The following NFYC variants were observed in gnomAD, a reference collection of about 807,000 sequenced individuals.
The protein encoded by NFYC is nuclear transcription factor Y subunit gamma, also known as CAAT box DNA-binding protein subunit C.
A neutral mutation model predicts 53.1 loss-of-function variants in NFYC; 25 were observed. The ratio of observed to expected loss-of-function variants is 0.47; its 90% CI spans 0.34 to 0.66. The LOEUF is 0.66. NFYC is among the 30% of genes least tolerant of loss of function. NFYC has a pLI of 0.01. For missense variants in NFYC, 260 were observed against 422.7 expected (o/e 0.62, Z 3.38); for synonymous variants, 145 against 152.6 (o/e 0.95, Z 0.37).
chr1:40,735,560 A>T lies in NFYC; in HGVS notation c.-8-3276A>T, dbSNP rs1000263376. The T allele has an allele frequency of 8.4e-5, 83 of 982,778 alleles. No homozygotes were observed. The African/African-American group carries it at 1.4e-3, about 17-fold the overall frequency. The allele number at this position is 982,778 out of a possible 1,614,324, so 60.9% of individuals were successfully genotyped here. ...TTGTAATGTTTTGGGGGGATATCAG[A>T]GGACAGCCAGAATTTGTTACCAGAC... is the stretch of plus-strand genomic sequence containing the variant. On this transcript the variant is annotated intron_variant, in intron 1 of 9. Transcript: ENST00000447388.
At chr1:40,764,449 T>C (rs1338463918) in intron 7 of NFYC, among the ~76,000 whole-genome samples, 4 of 152,234 alleles carry the variant, frequency 2.6e-5, no homozygotes, top group African/African-American at 9.6e-5. Context: ...GAGCTCTGCC[T>C]TGCTTCATTG....
rs1304558322 is a variant in NFYC at position 40,770,555 on chromosome 1, A to G, written c.889-154A>G. 3.8e-6 allele frequency: 6 copies of G among 1,587,940 alleles called. No homozygotes were observed. Among genetic ancestry groups the G allele is most frequent in the South Asian group, 2.3e-5 (2 of 87,892 alleles). ...GTGCCTCCTGTGTCTGCTGCTCCCA[A>G]CCCCAGCAGAGCTCCACTTCCCCTC... On this transcript the variant is annotated intron_variant, in intron 9 of 9. Transcript: ENST00000447388. The surrounding 1 kb of genome is among the most constrained non-coding windows in gnomAD (Gnocchi z 5.3).
At chr1:40,752,609 G>A (rs1645977948) in intron 4 of NFYC, among the ~76,000 whole-genome samples, 1 of 151,890 alleles carries the variant, frequency 6.6e-6, no homozygotes, top group African/African-American at 2.4e-5. Context: ...ATTCAGAACT[G>A]CAATGATAAA....
chr1:40,751,406 A>G (rs1645905173), intron 4 of NFYC, among the ~76,000 whole-genome samples: 1 of 152,024 alleles, frequency 6.6e-6, no homozygotes, highest in Non-Finnish European at 1.5e-5. Flanking sequence ...AACTTTCTAT[A>G]TTCCTTTTTT....
At chr1:40,700,881 A>G (rs1210535917) in intron 1 of NFYC, among the ~76,000 whole-genome samples, 1 of 152,008 alleles carries the variant, frequency 6.6e-6, no homozygotes, top group Non-Finnish European at 1.5e-5. Flanking sequence ...AGTGGTCTAG[A>G]GTGCTGCCAT....
intron 1 of NFYC, chr1:40,709,374 C>G (rs1013348584): frequency 2.0e-5 from 3 of 152,120 alleles, no homozygotes; most frequent in Admixed American, 6.6e-5. Context: ...TCATTGGAGC[C>G]TCGGAGTTTT....
chr1:40,740,087 T>C (rs1464783530), intron 2 of NFYC, among the ~76,000 whole-genome samples: 1 of 152,204 alleles, frequency 6.6e-6, no homozygotes, highest in Non-Finnish European at 1.5e-5. Flanking sequence ...TAATGAAGAA[T>C]GTTCATTAAG....
chr1:40,702,184 A>G (rs1310803127), intron 1 of NFYC, among the ~76,000 whole-genome samples: 1 of 152,218 alleles, frequency 6.6e-6, no homozygotes, highest in African/African-American at 2.4e-5. Flanking sequence ...CAAATAATTC[A>G]GAATTTGTCA....
At chr1:40,717,315 T>C (rs2148477041) in intron 1 of NFYC, among the ~76,000 whole-genome samples, 1 of 152,342 alleles carries the variant, frequency 6.6e-6, no homozygotes, top group South Asian at 2.1e-4. Flanking sequence ...CCCTGTTTTC[T>C]GAGTGTGCAT....
Position 40,703,480 on chromosome 1 carries a change from T to TAAAAAAAA in NFYC, c.-9+11620_-9+11627dup, listed in dbSNP as rs57102599. Among the ~76,000 whole-genome samples the TAAAAAAAA allele has an allele frequency of 6.7e-4, 65 of 97,688 alleles. 7 individuals carry two copies. Among genetic ancestry groups the TAAAAAAAA allele is most frequent in the Middle Eastern group, 6.4e-3 (1 of 156 alleles). 64.1% of individuals were successfully genotyped at this position (97,688 alleles called of 152,430 possible). On this transcript the variant is annotated intron_variant, in intron 1 of 9. Transcript: ENST00000447388. ...GTACTCCAGCCTGGGCAATTAGCCC[T>TAAAAAAAA]AAAAAAAAAAAAAAGAATATGAAGC... is the stretch of plus-strand genomic sequence containing the variant.
intron 1 of NFYC, among the ~76,000 whole-genome samples, chr1:40,738,114 G>C (rs2148604708): frequency 1.3e-5 from 2 of 152,092 alleles, no homozygotes; most frequent in East Asian, 3.9e-4. Context: ...GTTTTAGCCA[G>C]GATGGTCTCG....
chr1:40,733,669 G>A (rs1276491394), intron 1 of NFYC, among the ~76,000 whole-genome samples: 1 of 150,712 alleles, frequency 6.6e-6, no homozygotes, highest in Non-Finnish European at 1.5e-5. Context: ...CCTGGGCCCA[G>A]GAGATCCTTC....
At position 40,770,772 on chromosome 1, in the gene NFYC, A is replaced by T. The variant is rs1474408680; in HGVS notation, c.952A>T (p.Ile318Phe). 6.2e-7 allele frequency: 1 copy of T among 1,613,454 alleles called. No homozygotes were observed. The highest frequency in any genetic ancestry group is 1.7e-5 in the Admixed American group (1 of 60,030). The change falls in exon 10 of 10, where the codon ATC becomes TTC. Residue 318 changes from isoleucine (I) to phenylalanine (F), a missense_variant. By Grantham distance (21) the Ile-to-Phe change is conservative. Transcript: ENST00000447388. The surrounding 1 kb of genome is among the most constrained non-coding windows in gnomAD (Gnocchi z 5.3). ...CCAGGACCTCGCCCAGCCCATGTTC[A>T]TCCAGTCAGCCAACCAGCCCTCCGA... Reference protein sequence around the residue: ...AGQDLAQPMFIQSANQPSDGQ... With the variant: ...AGQDLAQPMFFQSANQPSDGQ...
chr1:40,699,160 G>A (rs12121412), intron 1 of NFYC, among the ~76,000 whole-genome samples: 12,999 of 150,670 alleles, frequency 0.086, 759 homozygotes, highest in Non-Finnish European at 0.12. Context: ...GGGTGAGACT[G>A]TCTCCAAAAA....
chr1:40,754,611 G>T (rs992346305), intron 5 of NFYC, among the ~76,000 whole-genome samples: 6 of 152,200 alleles, frequency 3.9e-5, no homozygotes, highest in African/African-American at 1.4e-4. Flanking sequence ...TGCTTTCCTT[G>T]TTGAAATTGT....
At chr1:40,709,944 C>T (rs1320990231) in intron 1 of NFYC, among the ~76,000 whole-genome samples, 4 of 152,198 alleles carry the variant, frequency 2.6e-5, no homozygotes, top group South Asian at 2.1e-4. Flanking sequence ...AGCTTTCCTA[C>T]GGAATAAGCT....
At chr1:40,758,095 T>TA in intron 5 of NFYC, 26 bp from the exon 6 acceptor site, 1 of 1,611,306 alleles carries the variant, frequency 6.2e-7, no homozygotes, top group South Asian at 1.1e-5. Flanking sequence ...CTTTTCCTCT[T>TA]ACCTGCCTCT....
intron 1 of NFYC, among the ~76,000 whole-genome samples, chr1:40,702,652 ACTT>A (rs1643495979): frequency 6.6e-6 from 1 of 151,426 alleles, no homozygotes; most frequent in Non-Finnish European, 1.5e-5. Flanking sequence ...TATCTTCAGA[ACTT>A]CTATCAGATT....
chr1:40,763,957 G>T (rs1468510177), intron 7 of NFYC, among the ~76,000 whole-genome samples: 1 of 152,250 alleles, frequency 6.6e-6, no homozygotes, highest in Non-Finnish European at 1.5e-5. Flanking sequence ...TCATGAGTCA[G>T]TTCCCAGTGG....
Sources: gnomAD v4.1 joint callset for allele counts (sites outside exome capture counted in the v4.1 genomes callset) on GRCh38, gnomAD v4.1.1 for gene constraint, Gnocchi (gnomAD v3.1) non-coding constraint, MANE v1.5 for transcripts, NCBI Gene and HGNC (gene_info 2026-07-23, HGNC 2026-07-21) for gene names.